The following ROR1 variants were observed in gnomAD, a reference collection of about 807,000 sequenced individuals.
The protein encoded by ROR1 is ROR family WNT receptor 1, also known as inactive tyrosine-protein kinase transmembrane receptor ROR1.
ROR1 carries 19 observed loss-of-function variants against 78.8 expected under a neutral mutation model. That is an observed-to-expected ratio of 0.24 (90% confidence interval 0.17 to 0.35). The LOEUF (loss-of-function observed/expected upper bound fraction) is 0.35. Among genes scored for constraint, ROR1 ranks in the 10% least tolerant of loss-of-function variants. ROR1 has a pLI of 1.00. For missense variants in ROR1, 917 were observed against 1,177.8 expected, an observed-to-expected ratio of 0.78 and a Z score of 3.24; for synonymous variants, 386 against 433.6, an observed-to-expected ratio of 0.89 and a Z score of 1.36.
rs369349664 is a variant in ROR1 at position 64,058,039 on chromosome 1, T to C, written c.482+7323T>C. Among the ~76,000 whole-genome samples, 178 of 152,330 alleles carry C rather than the reference T, an allele frequency of 1.2e-3. 1 individual carries two copies. Among genetic ancestry groups the C allele is most frequent in the African/African-American group, 4.0e-3 (166 of 41,580 alleles). ...TGTTTTGTAGATTTTGGTGTGCAAG[T>C]CTTGCTCTCTTTTCTTAAGTTTATT... is the stretch of plus-strand genomic sequence containing the variant. On this transcript the variant is annotated intron_variant, in intron 4 of 8. Transcript: ENST00000371079.
At chr1:64,000,060 A>G (rs912591123) in intron 1 of ROR1, among the ~76,000 whole-genome samples, 1 of 152,160 alleles carries the variant, frequency 6.6e-6, no homozygotes, top group Non-Finnish European at 1.5e-5. Flanking sequence ...TGAAATGAAA[A>G]TGTACGTGGG....
chr1:63,784,503 C>A (rs1644671887), intron 1 of ROR1, among the ~76,000 whole-genome samples: 1 of 152,194 alleles, frequency 6.6e-6, no homozygotes, highest in African/African-American at 2.4e-5. Context: ...GTAGATGGGA[C>A]CTGGCTCTGG....
chr1:63,842,185 AT>A (rs1344831631), intron 1 of ROR1, among the ~76,000 whole-genome samples: 2 of 152,048 alleles, frequency 1.3e-5, no homozygotes, highest in Admixed American at 6.6e-5. Flanking sequence ...AATCCTACTG[AT>A]TTTTTTCCCC....
intron 4 of ROR1, among the ~76,000 whole-genome samples, chr1:64,093,592 C>T (rs1479401298): frequency 6.6e-6 from 1 of 152,088 alleles, no homozygotes; most frequent in Non-Finnish European, 1.5e-5. Context: ...ACCACACACA[C>T]ACACACTCAG....
chr1:64,075,095 C>T (rs905476800), intron 4 of ROR1, among the ~76,000 whole-genome samples: 21 of 152,164 alleles, frequency 1.4e-4, no homozygotes, highest in African/African-American at 4.1e-4. Flanking sequence ...TTGGGGTAAC[C>T]TTGTCATTCC....
intron 1 of ROR1, among the ~76,000 whole-genome samples, chr1:63,882,450 A>C (rs1422868891): frequency 1.3e-5 from 2 of 152,228 alleles, no homozygotes. Flanking sequence ...GATGACGTGC[A>C]TGTTGATCAG....
chr1:63,965,142 A>G lies in ROR1; in HGVS notation c.92-44163A>G, dbSNP rs9651192. 5.9e-3 allele frequency among the ~76,000 whole-genome samples: 903 copies of G among 152,344 alleles called. 9 individuals are homozygous for G. Among genetic ancestry groups the G allele is most frequent in the African/African-American group, 0.021 (873 of 41,568 alleles). On this transcript the variant is annotated intron_variant, in intron 1 of 8. Transcript: ENST00000371079. The stretch of plus-strand genomic sequence containing the variant: ...TGAAGTATCATCATCTGTATTTTAC[A>G]GATGAAAAAACTGAGATTCAGAGAA...
intron 8 of ROR1, among the ~76,000 whole-genome samples, chr1:64,167,720 T>C (rs978997908): frequency 2.0e-5 from 3 of 152,274 alleles, no homozygotes; most frequent in African/African-American, 4.8e-5. Context: ...ATCTATATAC[T>C]CTCCAGGGCT....
chr1:64,111,444 C>T (rs1205176540), intron 4 of ROR1: 3 of 152,130 alleles, frequency 2.0e-5, no homozygotes, highest in South Asian at 2.1e-4. Context: ...TTAGCTTCCT[C>T]GGGTTCCTAG....
intron 2 of ROR1, among the ~76,000 whole-genome samples, chr1:64,038,585 A>G (rs1038198700): frequency 6.6e-6 from 1 of 152,106 alleles, no homozygotes; most frequent in African/African-American, 2.4e-5. Flanking sequence ...CCCTTCTCTG[A>G]CACCTCTGGC....
At chr1:63,880,366 G>A (rs1213562627) in intron 1 of ROR1, among the ~76,000 whole-genome samples, 1 of 152,086 alleles carries the variant, frequency 6.6e-6, no homozygotes, top group African/African-American at 2.4e-5. Flanking sequence ...TCCAGCTTGA[G>A]GCAAATGATA....
intron 1 of ROR1, among the ~76,000 whole-genome samples, chr1:63,919,443 C>T (rs183423811): frequency 1.3e-5 from 2 of 149,382 alleles, no homozygotes; most frequent in East Asian, 3.9e-4. Flanking sequence ...GGGCTGAATT[C>T]CCCTAAAGGT....
intron 4 of ROR1, among the ~76,000 whole-genome samples, chr1:64,127,912 C>T (rs544807559): frequency 5.3e-5 from 8 of 152,192 alleles, no homozygotes; most frequent in Admixed American, 4.6e-4. Context: ...GAACATCAGC[C>T]TCAGCAATCA....
At position 63,800,537 on chromosome 1, in the gene ROR1, G is replaced by A. The variant is rs543354177; in HGVS notation, c.91+26029G>A. Among the ~76,000 whole-genome samples the A allele has an allele frequency of 4.6e-5, 7 of 152,244 alleles. No individual in the cohort carries two copies. The South Asian group carries it at 1.5e-3, about 32-fold the overall frequency. On this transcript the variant is annotated intron_variant, in intron 1 of 8. Coordinates refer to ENST00000371079, the MANE Select transcript of ROR1 (RefSeq NM_005012.4). ...GACTAGGAGCTGGGGAGGCAGAAAA[G>A]GCAATGATGTTCTGAATGTTTCTGC... is the stretch of plus-strand genomic sequence containing the variant.
chr1:64,007,104 T>G (rs1570048262), intron 1 of ROR1, among the ~76,000 whole-genome samples: 1 of 151,796 alleles, frequency 6.6e-6, no homozygotes, highest in African/African-American at 2.4e-5. Context: ...AGTGCTAGAG[T>G]CAAAGAGACC....
intron 4 of ROR1, among the ~76,000 whole-genome samples, chr1:64,091,690 G>A (rs1347517147): frequency 7.2e-5 from 11 of 151,998 alleles, no homozygotes; most frequent in Non-Finnish European, 4.4e-5. Context: ...ACTAACCACA[G>A]CCACCATTAT....
chr1:63,964,570 C>T (rs1015514969), intron 1 of ROR1, among the ~76,000 whole-genome samples: 2 of 152,172 alleles, frequency 1.3e-5, no homozygotes, highest in African/African-American at 4.8e-5. Flanking sequence ...ATTCCCTTCC[C>T]CACTCGGAGC....
chr1:63,809,733 T>C (rs1370230247), intron 1 of ROR1, among the ~76,000 whole-genome samples: 1 of 152,192 alleles, frequency 6.6e-6, no homozygotes, highest in Non-Finnish European at 1.5e-5. Flanking sequence ...GCAAGGGGCA[T>C]GGGATCCTGA....
chr1:63,962,780 G>T (rs1234290022), intron 1 of ROR1, among the ~76,000 whole-genome samples: 2 of 152,146 alleles, frequency 1.3e-5, no homozygotes, highest in East Asian at 3.9e-4. Context: ...ACAGTGTATA[G>T]CAAGTGAAGG....
Sources: allele counts gnomAD v4.1 joint callset (sites outside exome capture counted in the v4.1 genomes callset), GRCh38; gene constraint gnomAD v4.1.1; transcripts MANE v1.5; gene names NCBI Gene and HGNC (gene_info 2026-07-23, HGNC 2026-07-21).